Variants in KAT6A observed in about 807,000 individuals in gnomAD.
KAT6A encodes histone acetyltransferase KAT6A.
KAT6A carries 9 observed loss-of-function variants against 198.4 expected under a neutral mutation model. The ratio of observed to expected loss-of-function variants is 0.05; its 90% CI spans 0.03 to 0.08. KAT6A has a LOEUF of 0.08. KAT6A is among the 10% of genes least tolerant of loss of function. KAT6A has a pLI of 1.00. For synonymous variants in KAT6A, 890 were observed against 883.0 expected (o/e 1.01, Z -0.14); for missense variants, 2,077 against 2,509.9 (o/e 0.83, Z 3.69).
At chr8:41,937,125 T>A in intron 16 of KAT6A, 131 bp downstream of exon 16, 1 of 657,350 alleles carries the variant, frequency 1.5e-6, no homozygotes, top group Non-Finnish European at 2.6e-6. Flanking sequence ...TTTTTAGAGA[T>A]TGCCAAACGT....
chr8:41,995,495 C>A (rs1003318318), intron 2 of KAT6A, among the ~76,000 whole-genome samples: 1 of 152,098 alleles, frequency 6.6e-6, no homozygotes, highest in African/African-American at 2.4e-5. Context: ...AGCAGGCATT[C>A]TGACTTGAAC....
rs765329120 is a variant in KAT6A at position 41,932,466 on chromosome 8, G to A, written c.5754C>T (p.Thr1918=). The A allele has an allele frequency of 5.0e-6, 8 of 1,614,248 alleles. No individual in the cohort carries two copies. Among genetic ancestry groups the A allele is most frequent in the Non-Finnish European group, 6.8e-6 (8 of 1,180,046 alleles). Residue 1918 remains threonine, a synonymous_variant, in exon 17 of 17, where the codon ACC becomes ACT. Transcript: ENST00000265713. ...AYNVNSMNMN[T]LNAMNSYRMT... is the part of the protein sequence containing the mutation. The stretch of plus-strand genomic sequence containing the variant: ...TTCGATAGCTGTTCATGGCATTCAA[G>A]GTGTTCATATTCATGGAATTGACAT...
chr8:41,961,751 C>CAAAA (rs913470847), intron 8 of KAT6A, among the ~76,000 whole-genome samples: 2 of 46,512 alleles, frequency 4.3e-5, no homozygotes, highest in African/African-American at 8.5e-5. Context: ...GACTCCATCT[C>CAAAA]AAAAAAAAAA....
At chr8:42,005,579 G>C (rs1471162573) in intron 2 of KAT6A, among the ~76,000 whole-genome samples, 1 of 152,200 alleles carries the variant, frequency 6.6e-6, no homozygotes, top group East Asian at 1.9e-4. Context: ...TCCTTCTGCT[G>C]TTTTCCTAGC....
At chr8:42,009,599 C>T (rs1825912849) in intron 2 of KAT6A, among the ~76,000 whole-genome samples, 1 of 151,600 alleles carries the variant, frequency 6.6e-6, no homozygotes, top group African/African-American at 2.4e-5. Context: ...ACATATTAAA[C>T]ATTAACATCC....
intron 2 of KAT6A, among the ~76,000 whole-genome samples, chr8:42,020,590 C>A: frequency 6.6e-6 from 1 of 152,148 alleles, no homozygotes; most frequent in East Asian, 1.9e-4. Flanking sequence ...CATAGACGTT[C>A]AGCAGAAATC....
At chr8:41,966,800 T>C (rs761681044) in intron 8 of KAT6A, among the ~76,000 whole-genome samples, 2 of 152,138 alleles carry the variant, frequency 1.3e-5, no homozygotes, top group Non-Finnish European at 2.9e-5. Context: ...ATGATTTTGC[T>C]ACCCCCATGA....
At chr8:42,017,466 T>C (rs1032176807) in intron 2 of KAT6A, among the ~76,000 whole-genome samples, 1 of 152,160 alleles carries the variant, frequency 6.6e-6, no homozygotes, top group Non-Finnish European at 1.5e-5. Context: ...AAGGGAGTCA[T>C]GGCACCAAAG....
intron 2 of KAT6A, among the ~76,000 whole-genome samples, chr8:41,993,057 C>T (rs1825019655): frequency 6.6e-6 from 1 of 152,128 alleles, no homozygotes; most frequent in Non-Finnish European, 1.5e-5. Context: ...AAAATTGTCC[C>T]TCTATGTCCC....
At chr8:42,045,817 CAAAAAAAAAAAAA>C (rs747713066) in intron 2 of KAT6A, among the ~76,000 whole-genome samples, 1 of 63,266 alleles carries the variant, frequency 1.6e-5, no homozygotes, top group African/African-American at 6.1e-5. Flanking sequence ...ACTAAAAATA[CAAAAAAAAAAAAA>C]AAAAAGTAGC....
chr8:41,940,144 C>A (rs1822037580), intron 15 of KAT6A, among the ~76,000 whole-genome samples: 2 of 152,232 alleles, frequency 1.3e-5, no homozygotes, highest in South Asian at 4.1e-4. Flanking sequence ...TCGCTTCAGT[C>A]TGGCTGCCTC....
At chr8:42,035,124 C>G (rs534914315) in intron 2 of KAT6A, among the ~76,000 whole-genome samples, 1 of 152,126 alleles carries the variant, frequency 6.6e-6, no homozygotes, top group East Asian at 1.9e-4. Flanking sequence ...ACCTCGAATA[C>G]AGAAGAGGTT....
chr8:42,039,982 C>T (rs1237074391), intron 2 of KAT6A, among the ~76,000 whole-genome samples: 5 of 151,698 alleles, frequency 3.3e-5, no homozygotes, highest in African/African-American at 1.2e-4. Context: ...CTCCTGACCT[C>T]GAGATCCGCC....
intron 12 of KAT6A, 64 bp downstream of exon 12, chr8:41,946,527 C>CACACAT: frequency 1.3e-6 from 1 of 787,564 alleles, no homozygotes; most frequent in Non-Finnish European, 2.2e-6. Flanking sequence ...CACACACACA[C>CACACAT]ACACACACAC....
Position 41,933,665 on chromosome 8 carries a change from G to A in KAT6A, c.4555C>T (p.Leu1519=). The A allele has an allele frequency of 1.9e-6, 3 of 1,614,136 alleles. No individual in the cohort carries two copies. Among genetic ancestry groups the A allele is most frequent in the Non-Finnish European group, 2.5e-6 (3 of 1,180,036 alleles). Residue 1519 remains leucine, a synonymous_variant, in exon 17 of 17, where the codon CTG becomes TTG. Coordinates refer to ENST00000265713, the MANE Select transcript of KAT6A (RefSeq NM_006766.5). This position sits in a 1 kb window ranked among gnomAD's most constrained non-coding sequence, Gnocchi z 6.2. ...YTQISPEQGS[L]SAPSMQNMET... ...ATGTTCTGCATAGAGGGTGCGGACA[G>A]GGATCCTTGTTCTGGGCTGATCTGG... is the stretch of plus-strand genomic sequence containing the variant.
chr8:41,955,520 A>C, intron 8 of KAT6A, 109 bp from the exon 9 acceptor site: 1 of 659,768 alleles, frequency 1.5e-6, no homozygotes, highest in Non-Finnish European at 2.6e-6. Flanking sequence ...AAGGAGTAAA[A>C]CAAAAACAAA....
At chr8:41,974,861 A>G in intron 7 of KAT6A, 39 bp from the exon 8 acceptor site, 1 of 1,269,054 alleles carries the variant, frequency 7.9e-7, no homozygotes, top group Non-Finnish European at 1.1e-6. Context: ...AACTGTCCCC[A>G]GATTAATACA....
intron 2 of KAT6A, among the ~76,000 whole-genome samples, chr8:41,998,534 C>T (rs967885263): frequency 6.6e-6 from 1 of 152,060 alleles, no homozygotes; most frequent in Non-Finnish European, 1.5e-5. Context: ...TTTTTAGCCA[C>T]CTTTTCCAAA....
At chr8:41,980,355 A>AAACAAC (rs147406080) in intron 5 of KAT6A, among the ~76,000 whole-genome samples, 1 of 152,088 alleles carries the variant, frequency 6.6e-6, no homozygotes, top group African/African-American at 2.4e-5. Context: ...TATTTCATTA[A>AAACAAC]AACAACAACA....
Sources: gnomAD v4.1 joint callset for allele counts (sites outside exome capture counted in the v4.1 genomes callset) on GRCh38, gnomAD v4.1.1 for gene constraint, Gnocchi (gnomAD v3.1) non-coding constraint, MANE v1.5 for transcripts, NCBI Gene and HGNC (gene_info 2026-07-23, HGNC 2026-07-21) for gene names.